Variants in SFRP4 observed in about 807,000 individuals in gnomAD.
The protein encoded by SFRP4 is secreted frizzled-related protein 4.
SFRP4 carries 25 observed loss-of-function variants against 36.3 expected under a neutral mutation model. The ratio of observed to expected loss-of-function variants is 0.69; its 90% confidence interval spans 0.50 to 0.96. The LOEUF is 0.96. SFRP4 is among the 40% of genes least tolerant of loss of function. The pLI, the probability that SFRP4 is intolerant of heterozygous loss-of-function variation, is 0.00. For synonymous variants in SFRP4, 182 were observed against 168.8 expected, an observed-to-expected ratio of 1.08 and a Z score of -0.60; for missense variants, 487 against 459.6, an observed-to-expected ratio of 1.06 and a Z score of -0.54.
In SFRP4 at chr7:37,916,021, C is replaced by T. The variant is rs1265149946; in HGVS notation, c.445+72G>A. ...CGCCCCTGGCAGCCTTAGGTGTGGC[C>T]GCCCAGTTCTCGATTGGCAGCCACA... On this transcript the variant is annotated intron_variant, in intron 1 of 5. Coordinates refer to ENST00000436072, the MANE Select transcript of SFRP4 (RefSeq NM_003014.4). This position sits in a 1 kb window ranked among gnomAD's most constrained non-coding sequence, Gnocchi z 4.1. 29 of 1,541,648 alleles carry T rather than the reference C, an allele frequency of 1.9e-5. No homozygotes were observed. In the East Asian group the frequency reaches 5.9e-4, roughly 31 times the overall value.
Position 37,907,423 on chromosome 7 carries a change from T to A in SFRP4, c.*56A>T. On this transcript the variant is annotated 3_prime_UTR_variant, in exon 6 of 6. Transcript: ENST00000436072. The stretch of plus-strand genomic sequence containing the variant: ...GCCTTACATAGGCTGTCCCAGGCAA[T>A]GCCCAGCCTCATCCTGTAAGGAAGT... 6.7e-7 allele frequency: 1 copy of A among 1,496,934 alleles called. No homozygotes were observed. 92.7% of individuals were successfully genotyped at this position (1,496,934 alleles called of 1,614,324 possible).
intron 4 of SFRP4, 127 bp downstream of exon 4, chr7:37,911,992 C>G (rs1785495185): frequency 3.2e-6 from 2 of 623,810 alleles, no homozygotes; most frequent in South Asian, 2.4e-5. Context: ...ACAGAGGCAT[C>G]TGTTAAACTA....
At chr7:37,912,787 T>G (rs1204855321) in intron 3 of SFRP4, among the ~76,000 whole-genome samples, 1 of 152,238 alleles carries the variant, frequency 6.6e-6, no homozygotes, top group Non-Finnish European at 1.5e-5. Flanking sequence ...CTCTGAGGAC[T>G]ACTGTTCTCA....
Position 37,906,071 on chromosome 7 carries a change from A to G in SFRP4, c.*1408T>C, listed in dbSNP as rs1785389912. The stretch of plus-strand genomic sequence containing the variant: ...ATGAGATGGTTTCTGCTTTCTTGAC[A>G]GGAAAACTTATCTCAATAAAGGGCC... On this transcript the variant is annotated 3_prime_UTR_variant, in exon 6 of 6. Transcript: ENST00000436072. The G allele has an allele frequency of 6.6e-6, 1 of 152,176 alleles. No homozygotes were observed. The highest frequency in any genetic ancestry group is 1.5e-5 in the Non-Finnish European group (1 of 68,016). The allele number at this position is 152,176 out of a possible 1,614,324, so 9.4% of individuals were successfully genotyped here. A position where few individuals can be genotyped will look rare whatever the true frequency, so the allele number is the denominator to read the frequency against.
chr7:37,912,033 G>C (rs994626761), intron 4 of SFRP4, 86 bp downstream of exon 4: 1 of 1,024,470 alleles, frequency 9.8e-7, no homozygotes, highest in African/African-American at 1.6e-5. Flanking sequence ...GCATATTTTT[G>C]TTATATTTTT....
rs1162391551 is a variant in SFRP4, at chr7:37,915,420, G to T, written c.445+673C>A. 2.0e-5 allele frequency among the ~76,000 whole-genome samples: 3 copies of T among 152,082 alleles called. No individual in the cohort carries two copies. In the South Asian group the frequency reaches 6.2e-4, roughly 31 times the overall value. ...TGGGCCAGATAAAGCCTGGATAAAA[G>T]AATGCAAAAATATTCCTAGGTTTCA... On this transcript the variant is annotated intron_variant, in intron 1 of 5. Coordinates refer to ENST00000436072, the MANE Select transcript of SFRP4 (RefSeq NM_003014.4).
Position 37,916,434 on chromosome 7 carries a change from A to G in SFRP4, c.104T>C (p.Met35Thr). The change falls in exon 1 of 6, where the codon ATG becomes ACG. Residue 35 changes from methionine (M) to threonine (T), a missense_variant. Transcript: ENST00000436072. The surrounding 1 kb of genome is among the most constrained non-coding windows in gnomAD (Gnocchi z 4.1). ...GGGCATCCGCGTGATGTTCCAGGGC[A>G]TGTGCCGGCACATAGGGATGCGCAC... ...EAVRIPMCRHMPWNITRMPNH... is the reference protein window; with the variant it reads ...EAVRIPMCRHTPWNITRMPNH... The G allele has an allele frequency of 1.2e-6, 2 of 1,613,992 alleles. No homozygotes were observed. Among genetic ancestry groups the G allele is most frequent in the South Asian group, 1.1e-5 (1 of 91,070 alleles).
rs1785390776 is a variant in SFRP4 at position 37,906,127 on chromosome 7, T to G, written c.*1352A>C. 6.6e-6 allele frequency: 1 copy of G among 152,202 alleles called. No homozygotes were observed. Among genetic ancestry groups the G allele is most frequent in the Non-Finnish European group, 1.5e-5 (1 of 68,040 alleles). The allele number at this position is 152,202 out of a possible 1,614,324, so 9.4% of individuals were successfully genotyped here. ...AAGGAGGCAGGTTATGAAACACATG[T>G]ATAGCAGGTTCCTAGTTTTATTTGT... On this transcript the variant is annotated 3_prime_UTR_variant, in exon 6 of 6. Coordinates refer to ENST00000436072, the MANE Select transcript of SFRP4 (RefSeq NM_003014.4).
At chr7:37,914,351 C>A (rs78412203) in intron 2 of SFRP4, 22 bp downstream of exon 2, 1,023 of 1,609,748 alleles carry the variant, frequency 6.4e-4, no homozygotes, top group Non-Finnish European at 8.3e-4. Context: ...GTAGAGGGAA[C>A]GTCCATGAAG....
intron 5 of SFRP4, among the ~76,000 whole-genome samples, chr7:37,908,652 T>G (rs1439569337): frequency 6.6e-6 from 1 of 152,218 alleles, no homozygotes; most frequent in East Asian, 1.9e-4. Flanking sequence ...TCTCATGGTC[T>G]GCTTGCCTTC....
In SFRP4 at chr7:37,907,444, G is replaced by A. The variant is rs1785413089; in HGVS notation, c.*35C>T. ...GCAATGCCCAGCCTCATCCTGTAAGGAAGTCGGAAGTCTCCGCTTTGGAAA... is the reference window on the plus strand; with the variant it reads ...GCAATGCCCAGCCTCATCCTGTAAGAAAGTCGGAAGTCTCCGCTTTGGAAA... On this transcript the variant is annotated 3_prime_UTR_variant, in exon 6 of 6. Coordinates refer to ENST00000436072, the MANE Select transcript of SFRP4 (RefSeq NM_003014.4). The A allele has an allele frequency of 6.3e-7, 1 of 1,582,630 alleles. No homozygotes were observed. Among genetic ancestry groups the A allele is most frequent in the East Asian group, 2.2e-5 (1 of 44,692 alleles).
chr7:37,910,876 T>A (rs190807684), intron 4 of SFRP4, among the ~76,000 whole-genome samples: 1 of 152,356 alleles, frequency 6.6e-6, no homozygotes, highest in East Asian at 1.9e-4. Flanking sequence ...TCACATGGTT[T>A]TAACAAGTGT....
Position 37,916,165 on chromosome 7 carries a change from A to T in SFRP4, c.373T>A (p.Cys125Ser), listed in dbSNP as rs1344808304. Reference protein sequence around the residue: ...YNHSWPESLACDELPVYDRGV... With the variant: ...YNHSWPESLASDELPVYDRGV... ...CGGTCATAGACAGGCAGCTCGTCGC[A>T]GGCCAGGCTTTCGGGCCAGCTGTGG... Residue 125 changes from cysteine (C) to serine (S), a missense_variant, in exon 1 of 6, where the codon TGC becomes AGC. Cys to Ser is a moderately radical substitution (Grantham distance 112, BLOSUM62 -1). Coordinates refer to ENST00000436072, the MANE Select transcript of SFRP4 (RefSeq NM_003014.4). The surrounding 1 kb of genome is among the most constrained non-coding windows in gnomAD (Gnocchi z 4.1). 1 of 1,614,114 alleles carries T rather than the reference A, an allele frequency of 6.2e-7. No homozygotes were observed. Among genetic ancestry groups the T allele is most frequent in the Non-Finnish European group, 8.5e-7 (1 of 1,180,034 alleles).
chr7:37,910,734 T>C (rs1176509437), intron 4 of SFRP4, among the ~76,000 whole-genome samples: 1 of 152,170 alleles, frequency 6.6e-6, no homozygotes, highest in Non-Finnish European at 1.5e-5. Flanking sequence ...ATTTTCAACA[T>C]TTACCAAATA....
rs114536253 is a variant in SFRP4 at position 37,911,462 on chromosome 7, A to G, written c.791+657T>C. ...AGGCTGGGCTCAAGAGTTTGACTTT[A>G]TATTACAAGTAATGTACCAATATCC... is the stretch of plus-strand genomic sequence containing the variant. On this transcript the variant is annotated intron_variant, in intron 4 of 5. Transcript: ENST00000436072. Among the ~76,000 whole-genome samples, 643 of 152,310 alleles carry G rather than the reference A, an allele frequency of 4.2e-3. 5 individuals are homozygous for G. Among genetic ancestry groups the G allele is most frequent in the African/African-American group, 0.014 (574 of 41,586 alleles).
At chr7:37,912,002 A>G in intron 4 of SFRP4, 117 bp downstream of exon 4, 1 of 717,276 alleles carries the variant, frequency 1.4e-6, no homozygotes, top group South Asian at 2.2e-5. Flanking sequence ...CTGTTAAACT[A>G]ATTTTTTTAA....
Position 37,906,503 on chromosome 7 carries a change from TC to T in SFRP4, c.*975del, listed in dbSNP as rs1785398695. ...TCTCTGTACATTTATATTTAACTCC[TC>T]TCACATGTATTTAGGCAAAGAAAAT... is the stretch of plus-strand genomic sequence containing the variant. On this transcript the variant is annotated 3_prime_UTR_variant, in exon 6 of 6. Coordinates refer to ENST00000436072, the MANE Select transcript of SFRP4 (RefSeq NM_003014.4). 1 of 152,198 alleles carries T rather than the reference TC, an allele frequency of 6.6e-6. No homozygotes were observed. Among genetic ancestry groups the T allele is most frequent in the African/African-American group, 2.4e-5 (1 of 41,448 alleles). 9.4% of individuals were successfully genotyped at this position (152,198 alleles called of 1,614,324 possible).
intron 4 of SFRP4, among the ~76,000 whole-genome samples, chr7:37,911,417 A>G (rs1367373674): frequency 6.6e-6 from 1 of 152,206 alleles, no homozygotes; most frequent in Non-Finnish European, 1.5e-5. Flanking sequence ...TACTGCATCA[A>G]CTTATGGGGC....
chr7:37,910,724 A>G (rs943838836), intron 4 of SFRP4, among the ~76,000 whole-genome samples: 1 of 152,154 alleles, frequency 6.6e-6, no homozygotes, highest in Non-Finnish European at 1.5e-5. Context: ...AAATAGGAAT[A>G]TTTTCAACAT....
Sources: gnomAD v4.1 joint callset for allele counts (sites outside exome capture counted in the v4.1 genomes callset) on GRCh38, gnomAD v4.1.1 for gene constraint, Gnocchi (gnomAD v3.1) non-coding constraint, MANE v1.5 for transcripts, NCBI Gene and HGNC (gene_info 2026-07-23, HGNC 2026-07-21) for gene names.